PATL2: variants seen among roughly 807,000 people sequenced by gnomAD.
The protein encoded by PATL2 is PAT1 homolog 2.
PATL2 carries 73 observed loss-of-function variants against 77.0 expected under a neutral mutation model. The ratio of observed to expected loss-of-function variants is 0.95; its 90% CI spans 0.78 to 1.15. The LOEUF is 1.15. PATL2 is among the 50% of genes most tolerant of loss of function. PATL2 has a pLI of 0.00. For missense variants in PATL2, 618 were observed against 655.4 expected, an observed-to-expected ratio of 0.94 and a Z score of 0.62; for synonymous variants, 265 against 257.1, an observed-to-expected ratio of 1.03 and a Z score of -0.29.
rs2086852901 is a variant in PATL2 at position 44,711,151 on chromosome 15, G to A, written c.-385C>T. ...TTTCTCGAATGAAAAATGCAGGTCC[G>A]AGCAGTTAACTGGCTGGGGCACCAT... On this transcript the variant is annotated 5_prime_UTR_variant, in exon 1 of 18. Transcript: ENST00000682850. 4 of 387,920 alleles carry A rather than the reference G, an allele frequency of 1.0e-5. No individual in the cohort carries two copies. The highest frequency in any genetic ancestry group is 2.0e-5 in the Non-Finnish European group (4 of 204,804). 24.0% of individuals were successfully genotyped at this position (387,920 alleles called of 1,614,324 possible).
chr15:44,690,223 G>A (rs935017997), intron 3 of PATL2, among the ~76,000 whole-genome samples: 19 of 152,058 alleles, frequency 1.2e-4, no homozygotes, highest in Non-Finnish European at 2.6e-4. Flanking sequence ...ATGTAAAGAC[G>A]GACCTTCTAA....
chr15:44,676,267 GGTT>G (rs1437773610), intron 4 of PATL2: 6 of 590,950 alleles, frequency 1.0e-5, no homozygotes, highest in Admixed American at 8.2e-5. Flanking sequence ...GGCTGTCCTG[GGTT>G]GTTGTTGATA....
Position 44,665,954 on chromosome 15 carries a change from C to G in PATL2, c.1631G>C (p.Ter544SerextTer20). 1 of 1,545,124 alleles carries G rather than the reference C, an allele frequency of 6.5e-7. No individual in the cohort carries two copies. The highest frequency in any genetic ancestry group is 8.7e-7 in the Non-Finnish European group (1 of 1,145,354). The change falls in exon 18 of 18, where the codon TGA (stop) becomes TCA (serine). Residue 544 changes from the stop codon to serine (S), a stop_lost. Coordinates refer to ENST00000682850, the MANE Select transcript of PATL2 (RefSeq NM_001387263.1). Reference protein sequence around the residue: ...EARMEFAWIY* With the variant: ...EARMEFAWIYS Reference sequence around the variant, plus strand: ...TACACGTATTCCAGAACAAACAGATCAGTAAATCCAGGCAAACCTATAAAG... The same window carrying G: ...TACACGTATTCCAGAACAAACAGATGAGTAAATCCAGGCAAACCTATAAAG...
intron 3 of PATL2, among the ~76,000 whole-genome samples, chr15:44,708,231 C>CT (rs1048165666): frequency 3.9e-5 from 6 of 151,956 alleles, no homozygotes; most frequent in Admixed American, 1.3e-4. Context: ...TATGAAGGTG[C>CT]TTTTTTTTGT....
intron 6 of PATL2, 133 bp downstream of exon 6, chr15:44,674,017 G>T: frequency 2.5e-6 from 2 of 789,136 alleles, no homozygotes; most frequent in South Asian, 1.9e-5. Flanking sequence ...GCTCCTCTAT[G>T]ATGGGGCAAC....
Position 44,665,942 on chromosome 15 carries a change from G to T in PATL2, c.*11C>A. The T allele has an allele frequency of 6.5e-7, 1 of 1,547,636 alleles. No individual in the cohort carries two copies. Among genetic ancestry groups the T allele is most frequent in the Non-Finnish European group, 8.7e-7 (1 of 1,146,020 alleles). On this transcript the variant is annotated 3_prime_UTR_variant, in exon 18 of 18. Transcript: ENST00000682850. Reference sequence around the variant, plus strand: ...CAACTTCCCACATACACGTATTCCAGAACAAACAGATCAGTAAATCCAGGC... The same window carrying T: ...CAACTTCCCACATACACGTATTCCATAACAAACAGATCAGTAAATCCAGGC...
intron 3 of PATL2, among the ~76,000 whole-genome samples, chr15:44,707,984 C>T (rs749508593): frequency 2.0e-5 from 3 of 152,222 alleles, no homozygotes. Flanking sequence ...GAGTTCTTCC[C>T]AGTGTTGCTT....
Position 44,665,771 on chromosome 15 carries a change from G to A in PATL2, c.*182C>T, listed in dbSNP as rs1327526717. ...CTTTAATTATACCTTATTATGCCAT[G>A]TCTTATTTTTAGGCACATCATTTAG... On this transcript the variant is annotated 3_prime_UTR_variant, in exon 18 of 18. Coordinates refer to ENST00000682850, the MANE Select transcript of PATL2 (RefSeq NM_001387263.1). 1.2e-5 allele frequency: 17 copies of A among 1,475,050 alleles called. No individual in the cohort carries two copies. Among genetic ancestry groups the A allele is most frequent in the South Asian group, 2.6e-5 (2 of 76,520 alleles). The allele number at this position is 1,475,050 out of a possible 1,614,324, so 91.4% of individuals were successfully genotyped here.
intron 14 of PATL2, 62 bp downstream of exon 14, chr15:44,668,918 G>T: frequency 6.9e-7 from 1 of 1,444,638 alleles, no homozygotes; most frequent in South Asian, 1.5e-5. Context: ...GGGACTGGAG[G>T]GGAGGAATGA....
chr15:44,672,053 G>A lies in PATL2; in HGVS notation c.619C>T (p.Gln207Ter). 2 of 1,551,676 alleles carry A rather than the reference G, an allele frequency of 1.3e-6. No homozygotes were observed. The highest frequency in any genetic ancestry group is 1.7e-6 in the Non-Finnish European group (2 of 1,146,998). Residue 207 changes from glutamine (Q) to a stop codon, truncating the protein, a stop_gained, in exon 9 of 18, where the codon CAG becomes TAG. Transcript: ENST00000682850. LOFTEE classifies it high-confidence loss of function. Reference protein sequence around the residue: ...WVIKVQMVQLQSAKPRLDDYY... With the variant: ...WVIKVQMVQL ...TCATCCAGGCGGGGTTTTGCACTCT[G>A]CAGCTGCACCATCTGCACTTTTATC...
At chr15:44,666,952 T>C (rs548248873) in intron 16 of PATL2, 154 bp downstream of exon 16, 3 of 641,678 alleles carry the variant, frequency 4.7e-6, no homozygotes, top group East Asian at 2.8e-5. Flanking sequence ...TAGGGCACTA[T>C]AGAAAAAAAG....
chr15:44,669,248 C>T (rs985644627), intron 13 of PATL2, 32 bp downstream of exon 13: 76 of 1,537,280 alleles, frequency 4.9e-5, no homozygotes, highest in Middle Eastern at 1.7e-4. Context: ...TCCTTCCCTT[C>T]CTGGGCTGAG....
At chr15:44,693,159 T>C (rs1219168138) in intron 3 of PATL2, among the ~76,000 whole-genome samples, 5 of 152,212 alleles carry the variant, frequency 3.3e-5, no homozygotes, top group African/African-American at 1.2e-4. Context: ...AAAATGTCCA[T>C]GATTCTGGAA....
chr15:44,701,931 C>T (rs1428860949), intron 3 of PATL2, among the ~76,000 whole-genome samples: 1 of 151,822 alleles, frequency 6.6e-6, no homozygotes, highest in Non-Finnish European at 1.5e-5. Context: ...TACCAACAAC[C>T]AGATCTCTCA....
At chr15:44,675,237 C>A (rs914954884) in intron 5 of PATL2, 2 of 473,752 alleles carry the variant, frequency 4.2e-6, no homozygotes, top group African/African-American at 2.0e-5. Context: ...GCAGGGCCAC[C>A]GCCTGTGGGC....
intron 17 of PATL2, 34 bp from the exon 18 acceptor site, chr15:44,666,005 A>G (rs2085349825): frequency 1.3e-6 from 2 of 1,491,810 alleles, no homozygotes; most frequent in Non-Finnish European, 1.8e-6. Flanking sequence ...TGCAAGCACA[A>G]TTCTACTTTG....
chr15:44,668,166 G>T (rs1250839143), intron 15 of PATL2, among the ~76,000 whole-genome samples, 176 bp downstream of exon 15: 4 of 152,204 alleles, frequency 2.6e-5, no homozygotes. Context: ...GAATGACTGA[G>T]TGGGACCAAG....
intron 3 of PATL2, among the ~76,000 whole-genome samples, chr15:44,677,259 G>A (rs1402646813): frequency 1.3e-5 from 2 of 151,964 alleles, no homozygotes; most frequent in African/African-American, 2.4e-5. Flanking sequence ...TCCTGGGGAG[G>A]ATGCCTAGCA....
chr15:44,687,438 A>G (rs2086284265), intron 3 of PATL2, among the ~76,000 whole-genome samples: 1 of 152,228 alleles, frequency 6.6e-6, no homozygotes. Context: ...TGACAAACAC[A>G]CAGCCAATAT....
Sources: allele counts gnomAD v4.1 joint callset (sites outside exome capture counted in the v4.1 genomes callset), GRCh38; gene constraint gnomAD v4.1.1; transcripts MANE v1.5; gene names NCBI Gene and HGNC (gene_info 2026-07-23, HGNC 2026-07-21).